Variants in SETD2 observed in about 807,000 individuals in gnomAD.
The protein encoded by SETD2 is SET domain containing 2, histone lysine methyltransferase.
In SETD2, 31 loss-of-function variants were observed where a neutral mutation model predicts 242.1. The observed-to-expected ratio is 0.13, with a 90% CI of 0.10 to 0.17. The LOEUF is 0.17. Ranked by LOEUF, SETD2 falls within the 10% of genes least tolerant of loss-of-function variation. SETD2 has a pLI of 1.00. For synonymous variants in SETD2, 1,006 were observed against 1,066.5 expected (o/e 0.94, Z 1.11); for missense variants, 2,481 against 3,046.3 (o/e 0.81, Z 4.37).
chr3:47,152,671 A>C (rs932227717), intron 1 of SETD2, among the ~76,000 whole-genome samples: 1 of 152,214 alleles, frequency 6.6e-6, no homozygotes, highest in South Asian at 2.1e-4. Flanking sequence ...CATGAAGCAA[A>C]TAGTGTTGAT....
Position 47,164,053 on chromosome 3 carries a change from C to A in SETD2, c.-129G>T, listed in dbSNP as rs1354539962. On this transcript the variant is annotated 5_prime_UTR_variant, in exon 1 of 21. Coordinates refer to ENST00000409792, the MANE Select transcript of SETD2 (RefSeq NM_014159.7). The surrounding 1 kb of genome is among the most constrained non-coding windows in gnomAD (Gnocchi z 5.4). ...GCGGCGGCGGCGGCGGCAGGGGCGGCCCGCGTCGCTACCTCGCTCGTCGCT... is the reference window on the plus strand; with the variant it reads ...GCGGCGGCGGCGGCGGCAGGGGCGGACCGCGTCGCTACCTCGCTCGTCGCT... 2 of 1,213,806 alleles carry A rather than the reference C, an allele frequency of 1.6e-6. No individual in the cohort carries two copies. Among genetic ancestry groups the A allele is most frequent in the South Asian group, 4.1e-5 (1 of 24,604 alleles). The allele number at this position is 1,213,806 out of a possible 1,614,324, so 75.2% of individuals were successfully genotyped here.
intron 1 of SETD2, among the ~76,000 whole-genome samples, chr3:47,161,092 A>G (rs1468749394): frequency 6.6e-6 from 1 of 152,182 alleles, no homozygotes; most frequent in Non-Finnish European, 1.5e-5. Context: ...TCCAAAGTCT[A>G]AAAAGGGCAC....
At position 47,084,008 on chromosome 3, in the gene SETD2, C is replaced by A. The variant is rs551260840; in HGVS notation, c.5772G>T (p.Gln1924His). ...NVPVEEEEEL[Q>H]SQQLLPQQLP... ...GCTGTTGTGGGAGTAGCTGTTGTGACTGCAATTCTTCCTCTTCCTCTACAG... is the reference window on the plus strand; with the variant it reads ...GCTGTTGTGGGAGTAGCTGTTGTGAATGCAATTCTTCCTCTTCCTCTACAG... Residue 1924 changes from glutamine (Q) to histidine (H), a missense_variant, in exon 12 of 21, where the codon CAG becomes CAT. This residue lies in a region of SETD2 where 203 missense variants were observed against 222.4 expected (regional missense o/e 0.91). Coordinates refer to ENST00000409792, the MANE Select transcript of SETD2 (RefSeq NM_014159.7). 1 of 1,614,132 alleles carries A rather than the reference C, an allele frequency of 6.2e-7. No individual in the cohort carries two copies.
intron 14 of SETD2, among the ~76,000 whole-genome samples, chr3:47,058,715 C>CA (rs1210794647): frequency 1.3e-5 from 2 of 151,616 alleles, no homozygotes; most frequent in African/African-American, 2.4e-5. Context: ...ATGGAGAAGA[C>CA]AAAACCAGAG....
At chr3:47,095,733 T>A (rs1446140743) in intron 9 of SETD2, among the ~76,000 whole-genome samples, 1 of 150,786 alleles carries the variant, frequency 6.6e-6, no homozygotes, top group Non-Finnish European at 1.5e-5. Context: ...TAGGAAAATA[T>A]GTCAATAAAC....
chr3:47,110,209 A>G (rs1321370744), intron 5 of SETD2, among the ~76,000 whole-genome samples: 2 of 152,186 alleles, frequency 1.3e-5, no homozygotes, highest in Non-Finnish European at 2.9e-5. Context: ...CGAAATACCG[A>G]GAATAGATCA....
At chr3:47,048,832 TA>T (rs1412519665) in intron 15 of SETD2, among the ~76,000 whole-genome samples, 1 of 151,950 alleles carries the variant, frequency 6.6e-6, no homozygotes, top group Admixed American at 6.6e-5. Context: ...CACGCCTGGC[TA>T]ATTTTTTTTA....
rs587778673 is a variant in SETD2 at position 47,121,505 on chromosome 3, C to T, written c.3131G>A (p.Ser1044Asn). The change falls in exon 3 of 21, where the codon AGT (serine) becomes AAT (asparagine). Residue 1044 changes from serine (S) to asparagine (N), a missense_variant. Ser to Asn is a conservative substitution (Grantham distance 46, BLOSUM62 1). Coordinates refer to ENST00000409792, the MANE Select transcript of SETD2 (RefSeq NM_014159.7). ...TTCTGAATCACTTTCATCATTTGAACTTTCAGAAGAGCCAGAATAATCTTC... is the reference window on the plus strand; with the variant it reads ...TTCTGAATCACTTTCATCATTTGAATTTTCAGAAGAGCCAGAATAATCTTC... ...VHEDYSGSSE[S>N]SNDESDSEDT... is the part of the protein sequence containing the mutation. 3.4e-5 allele frequency: 55 copies of T among 1,613,952 alleles called. No homozygotes were observed. Among genetic ancestry groups the T allele is most frequent in the Non-Finnish European group, 4.5e-5 (53 of 1,180,014 alleles).
rs1365702407 is a variant in SETD2, at chr3:47,116,733, T to C, written c.4476A>G (p.Arg1492=). ...ACTCACACTGCATTCGCTTAATATC[T>C]CGATGAGATTTATTCTTCTTTCTAT... is the stretch of plus-strand genomic sequence containing the variant. ...LTERKKNKSH[R]DIKRMQCECT... The change falls in exon 4 of 21, where the codon CGA becomes CGG. Residue 1492 remains arginine, a synonymous_variant. Coordinates refer to ENST00000409792, the MANE Select transcript of SETD2 (RefSeq NM_014159.7). 6.2e-7 allele frequency: 1 copy of C among 1,601,100 alleles called. No homozygotes were observed. The highest frequency in any genetic ancestry group is 1.7e-5 in the Admixed American group (1 of 59,228).
chr3:47,057,538 C>T (rs2107578659), intron 14 of SETD2, 48 bp from the exon 15 acceptor site: 1 of 1,382,472 alleles, frequency 7.2e-7, no homozygotes, highest in Non-Finnish European at 1.0e-6. Flanking sequence ...AAATCATAGA[C>T]ACAATCAAAG....
intron 15 of SETD2, chr3:47,046,911 T>G (rs1252534544): frequency 5.3e-6 from 1 of 190,036 alleles, no homozygotes; most frequent in Non-Finnish European, 1.1e-5. Context: ...TTCAATGACA[T>G]TGGAATGACA....
intron 18 of SETD2, among the ~76,000 whole-genome samples, chr3:47,036,625 G>A (rs1050162077): frequency 3.3e-5 from 5 of 151,796 alleles, no homozygotes; most frequent in East Asian, 1.9e-4. Flanking sequence ...AAGAGAGGCC[G>A]GGCGTGGTGG....
chr3:47,064,639 A>G, intron 13 of SETD2: 1 of 419,686 alleles, frequency 2.4e-6, no homozygotes, highest in Non-Finnish European at 5.0e-6. Flanking sequence ...TCCTAATATT[A>G]TAAAAATGAG....
intron 15 of SETD2, among the ~76,000 whole-genome samples, chr3:47,048,054 G>C (rs2039609730): frequency 6.6e-6 from 1 of 152,136 alleles, no homozygotes; most frequent in Admixed American, 6.6e-5. Flanking sequence ...AACAGTATCT[G>C]TGTATCTAAA....
At chr3:47,155,630 A>T (rs1575854234) in intron 1 of SETD2, among the ~76,000 whole-genome samples, 1 of 152,124 alleles carries the variant, frequency 6.6e-6, no homozygotes, top group Admixed American at 6.5e-5. Context: ...AGCATGGCAA[A>T]CCCCATCTCT....
intron 1 of SETD2, among the ~76,000 whole-genome samples, chr3:47,155,826 TTTTTTG>T (rs1297409786): frequency 6.6e-6 from 1 of 152,112 alleles, no homozygotes; most frequent in Non-Finnish European, 1.5e-5. Flanking sequence ...AAAAAAGTGT[TTTTTTG>T]TTTTTGTTGT....
intron 18 of SETD2, among the ~76,000 whole-genome samples, chr3:47,033,019 A>T (rs2107520780): frequency 6.6e-6 from 1 of 152,284 alleles, no homozygotes; most frequent in South Asian, 2.1e-4. Context: ...TATAAACATA[A>T]GCCTTGAGAT....
chr3:47,106,545 C>T (rs1430461008), intron 5 of SETD2, among the ~76,000 whole-genome samples: 2 of 140,186 alleles, frequency 1.4e-5, no homozygotes, highest in East Asian at 2.1e-4. Context: ...GGCGCAGAGG[C>T]TCATGCCTAT....
chr3:47,030,157 AT>A (rs1376505139), intron 18 of SETD2, among the ~76,000 whole-genome samples: 1 of 152,216 alleles, frequency 6.6e-6, no homozygotes, highest in Non-Finnish European at 1.5e-5. Context: ...TTGAAAAAAA[AT>A]AAAATAAAAT....
Sources: gnomAD v4.1 joint callset for allele counts (sites outside exome capture counted in the v4.1 genomes callset) on GRCh38, gnomAD v4.1.1 for gene constraint, gnomAD v4.1.1 regional missense constraint, Gnocchi (gnomAD v3.1) non-coding constraint, MANE v1.5 for transcripts, NCBI Gene and HGNC (gene_info 2026-07-23, HGNC 2026-07-21) for gene names.